Variants in RAB11FIP3 observed in about 807,000 individuals in gnomAD.
RAB11FIP3 encodes the protein rab11 family-interacting protein 3.
RAB11FIP3 carries 17 observed loss-of-function variants against 77.8 expected under a neutral mutation model. The observed-to-expected ratio is 0.22, with a 90% CI of 0.15 to 0.33. RAB11FIP3 has a LOEUF of 0.33. Among genes scored for constraint, RAB11FIP3 ranks in the 10% least tolerant of loss-of-function variants. RAB11FIP3 has a pLI of 1.00. For missense variants in RAB11FIP3, 1,005 were observed against 1,011.2 expected (o/e 0.99, Z 0.08); for synonymous variants, 437 against 448.2 (o/e 0.98, Z 0.31).
rs1418783132 is a variant in RAB11FIP3, at chr16:480,970, C to T, written c.904-1555C>T. 7.2e-5 allele frequency among the ~76,000 whole-genome samples: 8 copies of T among 111,630 alleles called. 3 individuals carry two copies. The highest frequency in any genetic ancestry group is 1.1e-4 in the African/African-American group (4 of 36,348). The allele number at this position is 111,630 out of a possible 152,430, so 73.2% of individuals were successfully genotyped here. On this transcript the variant is annotated intron_variant, in intron 3 of 13. Transcript: ENST00000262305. ...GGATACAGGAGTTCGCCACCACACC[C>T]GGCTAATTTTGTATTTTCAGTAGAG...
intron 2 of RAB11FIP3, among the ~76,000 whole-genome samples, chr16:462,075 G>T (rs911638200): frequency 1.3e-5 from 2 of 152,218 alleles, no homozygotes; most frequent in Non-Finnish European, 2.9e-5. Flanking sequence ...TGTGAGCTCC[G>T]ACAGAGTCCT....
chr16:484,294 C>T (rs751898306), intron 4 of RAB11FIP3, among the ~76,000 whole-genome samples: 4 of 152,176 alleles, frequency 2.6e-5, no homozygotes, highest in Non-Finnish European at 5.9e-5. Flanking sequence ...AGTTCCCCCA[C>T]ACAGGGAGGT....
At chr16:465,700 C>G (rs2141664122) in intron 2 of RAB11FIP3, among the ~76,000 whole-genome samples, 1 of 150,942 alleles carries the variant, frequency 6.6e-6, no homozygotes, top group South Asian at 2.1e-4. Flanking sequence ...ACTTGCGTCT[C>G]CCAGGTTCAA....
At chr16:454,090 C>A (rs1436057397) in intron 1 of RAB11FIP3, among the ~76,000 whole-genome samples, 2 of 152,098 alleles carry the variant, frequency 1.3e-5, no homozygotes, top group Admixed American at 1.3e-4. Flanking sequence ...CCCAGTAGGA[C>A]CTCATCATTC....
chr16:489,198 C>T, intron 5 of RAB11FIP3, 198 bp downstream of exon 5: 1 of 661,540 alleles, frequency 1.5e-6, no homozygotes, highest in South Asian at 2.0e-5. Context: ...TCTCCAGCCA[C>T]ATCCCCAGAT....
chr16:474,056 C>T (rs1161793226), intron 3 of RAB11FIP3, among the ~76,000 whole-genome samples: 1 of 151,882 alleles, frequency 6.6e-6, no homozygotes, highest in African/African-American at 2.4e-5. Context: ...AAGTGGAGTT[C>T]GATACTGTGA....
intron 5 of RAB11FIP3, among the ~76,000 whole-genome samples, chr16:494,935 A>G (rs1477897457): frequency 1.4e-5 from 2 of 144,876 alleles, no homozygotes; most frequent in East Asian, 2.1e-4. Context: ...CTGAGGTGGG[A>G]GGATCACATG....
At chr16:483,341 C>A (rs1240017902) in intron 4 of RAB11FIP3, among the ~76,000 whole-genome samples, 1 of 152,324 alleles carries the variant, frequency 6.6e-6, no homozygotes, top group South Asian at 2.1e-4. Flanking sequence ...CAGCCTCAGG[C>A]GTTGCTCAGT....
intron 7 of RAB11FIP3, among the ~76,000 whole-genome samples, chr16:503,444 G>C (rs1226855016): frequency 6.6e-6 from 1 of 152,122 alleles, no homozygotes; most frequent in Non-Finnish European, 1.5e-5. Context: ...ATGGAGACGC[G>C]ACCTGGGGCA....
chr16:501,423 G>A (rs531524597), intron 6 of RAB11FIP3, among the ~76,000 whole-genome samples: 24 of 147,860 alleles, frequency 1.6e-4, no homozygotes, highest in African/African-American at 4.3e-4. Context: ...GCTGGGAGAG[G>A]GTCCCCCCAT....
At chr16:490,251 C>G (rs529898605) in intron 5 of RAB11FIP3, among the ~76,000 whole-genome samples, 57 of 152,384 alleles carry the variant, frequency 3.7e-4, no homozygotes, top group South Asian at 1.7e-3. Context: ...TGCTCCTTTG[C>G]CTTCGCGTCG....
intron 1 of RAB11FIP3, among the ~76,000 whole-genome samples, chr16:459,530 G>A (rs1480664711): frequency 8.6e-5 from 13 of 151,324 alleles, no homozygotes; most frequent in African/African-American, 2.7e-4. Flanking sequence ...TCCGCCTCCC[G>A]GGTTCAAGCG....
intron 3 of RAB11FIP3, among the ~76,000 whole-genome samples, chr16:480,208 C>A (rs1352552773): frequency 7.2e-6 from 1 of 138,906 alleles, no homozygotes; most frequent in Non-Finnish European, 1.5e-5. Flanking sequence ...TCTTTTGAAC[C>A]CGGGAGGTGT....
At chr16:485,374 T>C (rs1432146857) in intron 4 of RAB11FIP3, among the ~76,000 whole-genome samples, 2 of 152,102 alleles carry the variant, frequency 1.3e-5, no homozygotes, top group African/African-American at 4.8e-5. Flanking sequence ...TTTTTGCTGC[T>C]CTGTGGGTCT....
At chr16:513,764 G>A (rs918765307) in intron 9 of RAB11FIP3, among the ~76,000 whole-genome samples, 1 of 152,222 alleles carries the variant, frequency 6.6e-6, no homozygotes, top group Non-Finnish European at 1.5e-5. Context: ...TGGCAGGAAG[G>A]GGCCTGCACT....
chr16:497,445 C>CA (rs2031231211), intron 6 of RAB11FIP3: 23 of 1,230,416 alleles, frequency 1.9e-5, no homozygotes, highest in Non-Finnish European at 2.3e-5. Context: ...CTGCTGCCGT[C>CA]AGAGTCTGCC....
At chr16:434,368 C>T (rs542047372) in intron 1 of RAB11FIP3, among the ~76,000 whole-genome samples, 5 of 152,288 alleles carry the variant, frequency 3.3e-5, no homozygotes, top group Admixed American at 6.5e-5. Flanking sequence ...AAGTGATCTG[C>T]GTGCCGCAGC....
intron 9 of RAB11FIP3, among the ~76,000 whole-genome samples, chr16:515,408 C>T (rs934771954): frequency 2.0e-5 from 3 of 152,192 alleles, no homozygotes; most frequent in Admixed American, 2.0e-4. Flanking sequence ...AGCACAGCTG[C>T]ACACACTCCT....
At position 426,735 on chromosome 16, in the gene RAB11FIP3, G is replaced by A. The variant is rs766054286; in HGVS notation, c.714+15G>A. ...GGGCAGAGCAGGTACGGAGCGGCCC[G>A]GGCCGGGGCGTGGGAACTGGGCAGG... is the stretch of plus-strand genomic sequence containing the variant. On this transcript the variant is annotated intron_variant, in intron 1 of 13. Transcript: ENST00000262305. This position sits in a 1 kb window ranked among gnomAD's most constrained non-coding sequence, Gnocchi z 5.0. The A allele has an allele frequency of 1.4e-6, 2 of 1,467,724 alleles. No individual in the cohort carries two copies. The highest frequency in any genetic ancestry group is 1.4e-5 in the South Asian group (1 of 69,524). The allele number at this position is 1,467,724 out of a possible 1,614,324, so 90.9% of individuals were successfully genotyped here. A position where few individuals can be genotyped will look rare whatever the true frequency, so the allele number is the denominator to read the frequency against.
Sources: gnomAD v4.1 joint callset for allele counts (sites outside exome capture counted in the v4.1 genomes callset) on GRCh38, gnomAD v4.1.1 for gene constraint, Gnocchi (gnomAD v3.1) non-coding constraint, MANE v1.5 for transcripts, NCBI Gene and HGNC (gene_info 2026-07-23, HGNC 2026-07-21) for gene names.